Variants in ZFPM2 observed in about 807,000 individuals in gnomAD.
The protein encoded by ZFPM2 is zinc finger protein, FOG family member 2, also known as zinc finger protein ZFPM2.
In ZFPM2, 20 loss-of-function variants were observed where a neutral mutation model predicts 98.6. That is an observed-to-expected ratio of 0.20 (90% CI 0.14 to 0.29). The LOEUF (loss-of-function observed/expected upper bound fraction) is 0.29. Among genes scored for constraint, ZFPM2 ranks in the 10% least tolerant of loss-of-function variants. The pLI is 1.00. For missense variants in ZFPM2, 1,310 were observed against 1,388.6 expected (o/e 0.94, Z 0.90); for synonymous variants, 518 against 502.7 (o/e 1.03, Z -0.41).
chr8:105,549,856 C>A (rs1766815370), intron 3 of ZFPM2, among the ~76,000 whole-genome samples: 3 of 152,002 alleles, frequency 2.0e-5, no homozygotes, highest in Admixed American at 6.6e-5. Context: ...TCACACAATT[C>A]TCCTGCCTTG....
chr8:105,595,206 CTTTTTA>C (rs1815943264), intron 4 of ZFPM2, among the ~76,000 whole-genome samples: 1 of 152,048 alleles, frequency 6.6e-6, no homozygotes, highest in Non-Finnish European at 1.5e-5. Context: ...ACATTTTGGT[CTTTTTA>C]TTTATTGGTT....
At chr8:105,458,623 A>G (rs1436657573) in intron 3 of ZFPM2, among the ~76,000 whole-genome samples, 2 of 152,222 alleles carry the variant, frequency 1.3e-5, no homozygotes, top group Non-Finnish European at 2.9e-5. Flanking sequence ...ATGATCGAGT[A>G]TCTGAAATTG....
intron 3 of ZFPM2, among the ~76,000 whole-genome samples, chr8:105,447,459 T>C (rs1812398414): frequency 1.3e-5 from 2 of 152,126 alleles, no homozygotes; most frequent in Non-Finnish European, 2.9e-5. Context: ...TTTGCAGTTG[T>C]TGAGTCTTGA....
In ZFPM2 at chr8:105,443,326, CAA is replaced by C. The variant is rs60238590; in HGVS notation, c.200-942_200-941del. Among the ~76,000 whole-genome samples, 266 of 122,580 alleles carry C rather than the reference CAA, an allele frequency of 2.2e-3. 12 individuals carry two copies. The highest frequency in any genetic ancestry group is 8.4e-3 in the African/African-American group (255 of 30,334). 80.4% of individuals were successfully genotyped at this position (122,580 alleles called of 152,430 possible). ...AGACTCCTTCTCAAAAAACAAAAAA[CAA>C]AAAAAAAAAAACTTGGCATTATTAA... On this transcript the variant is annotated intron_variant, in intron 2 of 7. Transcript: ENST00000407775.
intron 3 of ZFPM2, among the ~76,000 whole-genome samples, chr8:105,529,687 G>T (rs1301873488): frequency 1.3e-5 from 2 of 151,072 alleles, no homozygotes; most frequent in East Asian, 3.9e-4. Context: ...GGAATTGCAA[G>T]AAGAAGAGCT....
At chr8:105,359,119 A>G (rs962337677) in intron 1 of ZFPM2, among the ~76,000 whole-genome samples, 1 of 151,816 alleles carries the variant, frequency 6.6e-6, no homozygotes, top group African/African-American at 2.4e-5. Flanking sequence ...CATGGGGGCA[A>G]TTTTCCCCAT....
chr8:105,742,960 G>T (rs188465980), intron 5 of ZFPM2, among the ~76,000 whole-genome samples: 1 of 152,052 alleles, frequency 6.6e-6, no homozygotes, highest in African/African-American at 2.4e-5. Flanking sequence ...AGCAAATTGG[G>T]AGAGAATACA....
rs565487615 is a variant in ZFPM2 at position 105,484,887 on chromosome 8, C to G, written c.301+40506C>G. ...GTCAGCTTTGCCCTAGGAATATTACCAACCTAGGGTGTTTTTGGTCCCAAC... is the reference window on the plus strand; with the variant it reads ...GTCAGCTTTGCCCTAGGAATATTACGAACCTAGGGTGTTTTTGGTCCCAAC... On this transcript the variant is annotated intron_variant, in intron 3 of 7. Transcript: ENST00000407775. Among the ~76,000 whole-genome samples the G allele has an allele frequency of 7.6e-4, 115 of 152,250 alleles. 1 individual carries two copies. In the South Asian group the frequency reaches 0.023, roughly 31 times the overall value.
At chr8:105,536,667 G>C (rs566058076) in intron 3 of ZFPM2, among the ~76,000 whole-genome samples, 14 of 152,118 alleles carry the variant, frequency 9.2e-5, no homozygotes, top group African/African-American at 3.4e-4. Context: ...TGTGAATGTT[G>C]AATAAGATAG....
At chr8:105,409,300 T>G (rs192986011) in intron 1 of ZFPM2, among the ~76,000 whole-genome samples, 1 of 152,046 alleles carries the variant, frequency 6.6e-6, no homozygotes. Context: ...GAAGATTCTT[T>G]AGTAAAACAA....
At chr8:105,353,737 A>T (rs1812690776) in intron 1 of ZFPM2, among the ~76,000 whole-genome samples, 1 of 152,162 alleles carries the variant, frequency 6.6e-6, no homozygotes, top group South Asian at 2.1e-4. Context: ...ATCCATCTTC[A>T]TATTAACGTT....
At chr8:105,443,005 T>G (rs187850308) in intron 2 of ZFPM2, among the ~76,000 whole-genome samples, 3 of 152,102 alleles carry the variant, frequency 2.0e-5, no homozygotes, top group Admixed American at 2.0e-4. Flanking sequence ...GCAAGCAATT[T>G]AATTTAAAAA....
chr8:105,493,967 C>T (rs963474251), intron 3 of ZFPM2, among the ~76,000 whole-genome samples: 1 of 151,718 alleles, frequency 6.6e-6, no homozygotes, highest in Non-Finnish European at 1.5e-5. Context: ...ACCAAAGCAA[C>T]TTCTTGAAAC....
rs575550565 is a variant in ZFPM2, at chr8:105,638,889, G to A, written c.532+4532G>A. Among the ~76,000 whole-genome samples, 9 of 152,104 alleles carry A rather than the reference G, an allele frequency of 5.9e-5. No homozygotes were observed. The South Asian group carries it at 1.7e-3, about 28-fold the overall frequency. ...TATAAAAATTTTTAAAAGTATAGTA[G>A]TTGGCATTAACATTCGAATCTGATG... On this transcript the variant is annotated intron_variant, in intron 5 of 7. Transcript: ENST00000407775.
chr8:105,464,177 T>C (rs1175030544), intron 3 of ZFPM2, among the ~76,000 whole-genome samples: 1 of 152,062 alleles, frequency 6.6e-6, no homozygotes, highest in Non-Finnish European at 1.5e-5. Flanking sequence ...TTATGGCCCA[T>C]CCAGAACAGC....
intron 1 of ZFPM2, among the ~76,000 whole-genome samples, chr8:105,377,126 A>G (rs370307276): frequency 1.3e-5 from 2 of 152,068 alleles, no homozygotes; most frequent in South Asian, 2.1e-4. Flanking sequence ...GGATTATTGT[A>G]TGGTCATTCC....
intron 5 of ZFPM2, among the ~76,000 whole-genome samples, chr8:105,637,179 A>G (rs1816862202): frequency 6.6e-6 from 1 of 152,172 alleles, no homozygotes; most frequent in African/African-American, 2.4e-5. Context: ...TAGAGAGCTA[A>G]CAATAGAGCT....
intron 1 of ZFPM2, among the ~76,000 whole-genome samples, chr8:105,393,921 T>A (rs1811168080): frequency 6.9e-6 from 1 of 144,074 alleles, no homozygotes; most frequent in South Asian, 2.2e-4. Context: ...TGAGATGGAG[T>A]CTCGCTCTGT....
At chr8:105,714,529 TTAAA>T (rs1456444679) in intron 5 of ZFPM2, among the ~76,000 whole-genome samples, 2 of 152,048 alleles carry the variant, frequency 1.3e-5, no homozygotes, top group African/African-American at 4.8e-5. Context: ...AAACTAATGA[TTAAA>T]TAAATTATAT....
Sources: gnomAD v4.1 joint callset for allele counts (sites outside exome capture counted in the v4.1 genomes callset) on GRCh38, gnomAD v4.1.1 for gene constraint, MANE v1.5 for transcripts, NCBI Gene and HGNC (gene_info 2026-07-23, HGNC 2026-07-21) for gene names.